Variants in BPIFB3 observed in about 807,000 individuals in gnomAD.
BPIFB3 encodes BPI fold-containing family B member 3.
BPIFB3 carries 49 observed loss-of-function variants against 53.1 expected under a neutral mutation model. The ratio of observed to expected loss-of-function variants is 0.92; its 90% CI spans 0.73 to 1.17. The LOEUF (loss-of-function observed/expected upper bound fraction) is 1.17, where lower values mean the gene tolerates loss of function less well. Among genes scored for constraint, BPIFB3 ranks in the 50% most tolerant of loss-of-function variants. BPIFB3 has a pLI of 0.00. For missense variants in BPIFB3, 628 were observed against 592.5 expected (o/e 1.06, Z -0.62); for synonymous variants, 271 against 269.6 (o/e 1.01, Z -0.05).
intron 8 of BPIFB3, among the ~76,000 whole-genome samples, chr20:33,065,079 T>A (rs1335118251): frequency 6.6e-6 from 1 of 152,224 alleles, no homozygotes; most frequent in African/African-American, 2.4e-5. Context: ...GACTTCTGAA[T>A]CCTTCTCAAC....
At position 33,072,786 on chromosome 20, in the gene BPIFB3, T is replaced by C. The variant is rs767999839; in HGVS notation, c.1394T>C (p.Ile465Thr). The C allele has an allele frequency of 5.6e-6, 9 of 1,612,878 alleles. No individual in the cohort carries two copies. In the East Asian group the frequency reaches 1.3e-4, roughly 24 times the overall value. ...AATTTTTCCAATTCAGTTCTGGAGA[T>C]CGTAGAGGTGAGCCTTCTCTGCAGA... is the stretch of plus-strand genomic sequence containing the variant. The change falls in exon 14 of 15, where the codon ATC becomes ACC. Residue 465 changes from isoleucine (I) to threonine (T), a missense_variant. Transcript: ENST00000375494.
intron 11 of BPIFB3, among the ~76,000 whole-genome samples, chr20:33,070,700 G>T (rs1980849149): frequency 2.0e-5 from 3 of 152,224 alleles, no homozygotes. Flanking sequence ...CACCCCCACA[G>T]GCTCCTCAGG....
chr20:33,058,783 C>T lies in BPIFB3; in HGVS notation c.282-595C>T, dbSNP rs201590743. On this transcript the variant is annotated intron_variant, in intron 2 of 14. Coordinates refer to ENST00000375494, the Ensembl canonical transcript of BPIFB3. Reference sequence around the variant, plus strand: ...GATAGGCGCTCAGAGGGCATCTGCCCGAGGCAGAAAACCAGGATGGAAGGC... The same window carrying T: ...GATAGGCGCTCAGAGGGCATCTGCCTGAGGCAGAAAACCAGGATGGAAGGC... Among the ~76,000 whole-genome samples the T allele has an allele frequency of 5.3e-5, 8 of 151,758 alleles. 1 individual carries two copies. Among genetic ancestry groups the T allele is most frequent in the Admixed American group, 2.0e-4 (3 of 15,236 alleles).
At position 33,073,569 on chromosome 20, in the gene BPIFB3, C is replaced by G; in HGVS notation, c.1402-7C>G. 6.2e-7 allele frequency: 1 copy of G among 1,614,012 alleles called. No homozygotes were observed. ...GGGGTGTAACCAAGAGCGGTTGTTC[C>G]TTACAGAATGCTGTTGTGCTGACCG... On this transcript the variant is annotated splice_polypyrimidine_tract_variant and splice_region_variant and intron_variant, in intron 14 of 14. Transcript: ENST00000375494.
intron 5 of BPIFB3, among the ~76,000 whole-genome samples, chr20:33,062,064 TAAGAAGGGTAAGA>T (rs1555881236): frequency 0.99 from 151,015 of 152,252 alleles, 74,904 homozygotes; most frequent in East Asian, 1. Context: ...CGTAGGCTCC[TAAGAAGGGTAAGA>T]ACCCCTGCTC....
chr20:33,059,852 C>A (rs2146382186), intron 3 of BPIFB3, 39 bp from the exon 5 acceptor site: 6 of 1,604,118 alleles, frequency 3.7e-6, no homozygotes, highest in Non-Finnish European at 5.1e-6. Flanking sequence ...AGGGTGGGAG[C>A]TGGCTGCCTG....
intron 6 of BPIFB3, among the ~76,000 whole-genome samples, 159 bp downstream of exon 7, chr20:33,063,834 G>T (rs1031024678): frequency 3.3e-5 from 5 of 152,232 alleles, no homozygotes; most frequent in African/African-American, 1.2e-4. Context: ...GCCTCATGGA[G>T]GAGGCCTGGG....
chr20:33,055,403 C>T (rs578055505), upstream of BPIFB3: 4 of 1,612,212 alleles, frequency 2.5e-6, no homozygotes, highest in African/African-American at 4.0e-5. Flanking sequence ...CTCAGAGTTC[C>T]TCCTTCTGCT....
chr20:33,067,997 C>A (rs1330912655), intron 9 of BPIFB3, among the ~76,000 whole-genome samples: 1 of 152,184 alleles, frequency 6.6e-6, no homozygotes, highest in East Asian at 1.9e-4. Context: ...TCCTTAGTCT[C>A]ATGACGTTGC....
chr20:33,060,068 C>T (rs1215252181), intron 4 of BPIFB3, 37 bp downstream of exon 5: 8 of 1,605,298 alleles, frequency 5.0e-6, no homozygotes, highest in Non-Finnish European at 6.8e-6. Flanking sequence ...CCCTGACCCG[C>T]TCAGGATCAT....
At chr20:33,072,065 C>CA in intron 12 of BPIFB3, 39 bp from the exon 14 acceptor site, 1 of 1,610,390 alleles carries the variant, frequency 6.2e-7, no homozygotes, top group Non-Finnish European at 8.5e-7. Context: ...AGCCACACCC[C>CA]AGAGCACCAC....
rs554058602 is a variant in BPIFB3, at chr20:33,067,003, A to G, written c.978+126A>G. On this transcript the variant is annotated intron_variant, in intron 9 of 14. Transcript: ENST00000375494. The stretch of plus-strand genomic sequence containing the variant: ...ATTGAACAGTTGAGTCCAAATTCAC[A>G]CTAAAGTGTGAATGACTAACACGAC... The G allele has an allele frequency of 1.1e-4, 102 of 961,636 alleles. 1 individual carries two copies. In the African/African-American group the frequency reaches 1.6e-3, roughly 15 times the overall value. The allele number at this position is 961,636 out of a possible 1,614,324, so 59.6% of individuals were successfully genotyped here.
At chr20:33,068,867 C>T (rs372397063) in exon 10 of BPIFB3, 15 of 1,613,892 alleles carry the variant, frequency 9.3e-6, no homozygotes, top group African/African-American at 8.0e-5. Flanking sequence ...GAAGCTCCCA[C>T]GGTCACACTC....
chr20:33,054,202 A>G (rs1185869518), upstream of BPIFB3, among the ~76,000 whole-genome samples: 1 of 151,832 alleles, frequency 6.6e-6, no homozygotes, highest in Non-Finnish European at 1.5e-5. Flanking sequence ...TGTCCATAGG[A>G]TGATCCTATG....
chr20:33,064,254 C>T (rs997193312), intron 6 of BPIFB3, among the ~76,000 whole-genome samples: 1 of 152,162 alleles, frequency 6.6e-6, no homozygotes, highest in Admixed American at 6.5e-5. Flanking sequence ...TTTTGAACAC[C>T]GTGACTGTGT....
rs1260850571 is a variant in BPIFB3 at position 33,062,663 on chromosome 20, G to T, written c.591+832G>T. Among the ~76,000 whole-genome samples, 6 of 152,218 alleles carry T rather than the reference G, an allele frequency of 3.9e-5. No individual in the cohort carries two copies. In the East Asian group the frequency reaches 1.2e-3, roughly 29 times the overall value. ...TGATACAAAGAGGTTTTGAAAACGAGCATTCATTGCCAACATTCAGCATTG... is the reference window on the plus strand; with the variant it reads ...TGATACAAAGAGGTTTTGAAAACGATCATTCATTGCCAACATTCAGCATTG... On this transcript the variant is annotated intron_variant, in intron 5 of 14. Coordinates refer to ENST00000375494, the Ensembl canonical transcript of BPIFB3.
downstream of BPIFB3, chr20:33,073,720 G>T (rs1312809344): frequency 3.9e-6 from 5 of 1,268,798 alleles, no homozygotes; most frequent in Non-Finnish European, 5.6e-6. Flanking sequence ...AATGCCCTCT[G>T]GCCCTGAAGC....
At chr20:33,068,442 T>C (rs779693795) in intron 9 of BPIFB3, among the ~76,000 whole-genome samples, 1 of 152,206 alleles carries the variant, frequency 6.6e-6, no homozygotes, top group East Asian at 1.9e-4. Context: ...GGAGCATCCC[T>C]GGCAGCTGGA....
chr20:33,058,538 A>T (rs1980311071), intron 2 of BPIFB3, among the ~76,000 whole-genome samples: 2 of 152,184 alleles, frequency 1.3e-5, no homozygotes, highest in Non-Finnish European at 2.9e-5. Flanking sequence ...CAGCTGAAAT[A>T]GAGCCGGGCA....
Sources: gnomAD v4.1 joint callset for allele counts (sites outside exome capture counted in the v4.1 genomes callset) on GRCh38, gnomAD v4.1.1 for gene constraint, MANE v1.5 for transcripts, NCBI Gene and HGNC (gene_info 2026-07-23, HGNC 2026-07-21) for gene names.